CFAP92: variants seen among roughly 807,000 people sequenced by gnomAD.
CFAP92 encodes uncharacterized protein CFAP92.
In CFAP92, 86 loss-of-function variants were observed where a neutral mutation model predicts 106.3. The ratio of observed to expected loss-of-function variants is 0.81; its 90% CI spans 0.68 to 0.97. The LOEUF (loss-of-function observed/expected upper bound fraction) is 0.97, where lower values mean the gene tolerates loss of function less well. Ranked by LOEUF, CFAP92 falls within the 50% of genes least tolerant of loss-of-function variation. The pLI is 0.00. For missense variants in CFAP92, 1,204 were observed against 1,283.8 expected, an observed-to-expected ratio of 0.94 and a Z score of 0.95; for synonymous variants, 477 against 506.4, an observed-to-expected ratio of 0.94 and a Z score of 0.78.
At chr3:128,947,483 C>A (rs1488785843) in intron 9 of CFAP92, among the ~76,000 whole-genome samples, 2 of 152,202 alleles carry the variant, frequency 1.3e-5, no homozygotes, top group Non-Finnish European at 2.9e-5. Flanking sequence ...CCACTTCACC[C>A]ATTTTTACGA....
intron 4 of CFAP92, among the ~76,000 whole-genome samples, chr3:128,985,629 A>G (rs1943806724): frequency 6.6e-6 from 1 of 152,124 alleles, no homozygotes; most frequent in Non-Finnish European, 1.5e-5. Context: ...GTGAAAGCCC[A>G]CTGCAGGGCA....
chr3:128,922,392 T>C (rs1424390141), intron 12 of CFAP92, among the ~76,000 whole-genome samples: 1 of 152,172 alleles, frequency 6.6e-6, no homozygotes, highest in Non-Finnish European at 1.5e-5. Flanking sequence ...TCAGTGGTCT[T>C]CTTCCCCAGG....
At chr3:128,917,712 G>C (rs529319143) in intron 12 of CFAP92, among the ~76,000 whole-genome samples, 1 of 152,288 alleles carries the variant, frequency 6.6e-6, no homozygotes, top group South Asian at 2.1e-4. Context: ...TGAAATAGAA[G>C]ACAAGAGAAT....
intron 9 of CFAP92, among the ~76,000 whole-genome samples, chr3:128,957,986 T>C (rs568401229): frequency 6.6e-6 from 1 of 152,300 alleles, no homozygotes; most frequent in East Asian, 1.9e-4. Flanking sequence ...AGATGTCCCC[T>C]GGCATGTGGC....
intron 1 of CFAP92, chr3:129,001,734 C>A: frequency 2.0e-6 from 3 of 1,529,174 alleles, no homozygotes; most frequent in Middle Eastern, 1.7e-4. Flanking sequence ...CGCCCTGGCG[C>A]ACCACTACGG....
At position 128,945,840 on chromosome 3, in the gene CFAP92, C is replaced by A; in HGVS notation, c.1489G>T (p.Asp497Tyr). 2 of 1,508,924 alleles carry A rather than the reference C, an allele frequency of 1.3e-6. No homozygotes were observed. The highest frequency in any genetic ancestry group is 2.5e-5 in the South Asian group (2 of 78,800). The allele number at this position is 1,508,924 out of a possible 1,614,324, so 93.5% of individuals were successfully genotyped here. A position where few individuals can be genotyped will look rare whatever the true frequency, so the allele number is the denominator to read the frequency against. ...VIFLGALHPS[D>Y]LREYLEGPPM... ...GGGCCCTCCAGGTATTCCCTTAGGT[C>A]ACTGGGGTGCAGTGCCCCAAGGAAG... Residue 497 changes from aspartate to tyrosine, a missense_variant, in exon 10 of 16, where the codon GAC becomes TAC. Transcript: ENST00000645291.
chr3:128,923,974 A>G (rs1296955196), intron 12 of CFAP92, among the ~76,000 whole-genome samples: 1 of 152,250 alleles, frequency 6.6e-6, no homozygotes, highest in Non-Finnish European at 1.5e-5. Flanking sequence ...TGGAAGCTCT[A>G]TACTTGGCAG....
At chr3:128,917,844 G>C (rs1403405530) in intron 12 of CFAP92, among the ~76,000 whole-genome samples, 1 of 152,092 alleles carries the variant, frequency 6.6e-6, no homozygotes, top group Non-Finnish European at 1.5e-5. Context: ...TGAGTATAGA[G>C]GATGGAAATA....
chr3:129,001,607 G>A (rs953156652), intron 1 of CFAP92: 9 of 1,356,022 alleles, frequency 6.6e-6, no homozygotes, highest in Non-Finnish European at 8.5e-6. Flanking sequence ...GGGACCGGAG[G>A]AGCGAGGCGC....
In CFAP92 at chr3:129,001,497, G is replaced by C. The variant is rs916569327; in HGVS notation, n.117+1077C>G. 16 of 1,290,110 alleles carry C rather than the reference G, an allele frequency of 1.2e-5. No homozygotes were observed. The South Asian group carries it at 2.9e-4, about 23-fold the overall frequency. The allele number at this position is 1,290,110 out of a possible 1,614,324, so 79.9% of individuals were successfully genotyped here. A position where few individuals can be genotyped will look rare whatever the true frequency, so the allele number is the denominator to read the frequency against. On this transcript the variant is annotated intron_variant and non_coding_transcript_variant, in intron 1 of 4. Transcript: ENST00000510149. ...GAGGCCAGCGCAGCTGCTGGACACG[G>C]TCCCCGGCGCCGCTCCAACCAGACC...
At chr3:128,963,528 C>T (rs551044873) in intron 9 of CFAP92, among the ~76,000 whole-genome samples, 10 of 152,258 alleles carry the variant, frequency 6.6e-5, no homozygotes, top group Admixed American at 2.0e-4. Context: ...GTTCCTGGCC[C>T]GGACTTCAAT....
rs779916041 is a variant in CFAP92 at position 128,978,049 on chromosome 3, CAA to C, written c.802_803del (p.Leu268AlafsTer16). Reference protein sequence around the residue: ...QEKTEKHPKSLQGSHQAEPET... With the variant: ...QEKTEKHPKSXQGSHQAEPET... ...ACAAAGGCCTTCTCCGCTCACCTTG[CAA>C]AGACTTTGGGTGTTTTTCTGTTTTT... On this transcript the variant is annotated frameshift_variant, in exon 5 of 16. Transcript: ENST00000645291. LOFTEE classifies it high-confidence loss of function. The C allele has an allele frequency of 1.2e-6, 2 of 1,613,968 alleles. No homozygotes were observed. Among genetic ancestry groups the C allele is most frequent in the Non-Finnish European group, 1.7e-6 (2 of 1,179,858 alleles).
At chr3:128,962,155 G>C (rs548066522) in intron 9 of CFAP92, among the ~76,000 whole-genome samples, 1 of 152,086 alleles carries the variant, frequency 6.6e-6, no homozygotes. Flanking sequence ...ACTCCTTCTC[G>C]GCTTAGCGGC....
At chr3:128,986,121 T>G (rs1164353181) in intron 4 of CFAP92, among the ~76,000 whole-genome samples, 2 of 151,908 alleles carry the variant, frequency 1.3e-5, no homozygotes, top group African/African-American at 4.8e-5. Context: ...GGCTGGAAAA[T>G]CAGAGAAAAG....
intron 1 of CFAP92, 115 bp downstream of exon 1, chr3:128,993,865 C>T (rs1457246426): frequency 2.5e-6 from 2 of 804,192 alleles, no homozygotes; most frequent in Non-Finnish European, 3.0e-6. Context: ...GGAGGCGGAA[C>T]GCCGGGCAAA....
chr3:128,911,737 C>T (rs1936349232), intron 15 of CFAP92, among the ~76,000 whole-genome samples: 1 of 152,258 alleles, frequency 6.6e-6, no homozygotes, highest in Non-Finnish European at 1.5e-5. Flanking sequence ...CCACTGTGCC[C>T]AGCCCTGGCT....
intron 4 of CFAP92, among the ~76,000 whole-genome samples, chr3:128,981,830 G>A (rs528094712): frequency 1.9e-4 from 29 of 152,308 alleles, no homozygotes. Context: ...AGGCAACCAG[G>A]TGCATTATCA....
At chr3:128,943,919 C>CCCT (rs1553747259) in intron 10 of CFAP92, among the ~76,000 whole-genome samples, 55 of 86,940 alleles carry the variant, frequency 6.3e-4, no homozygotes, top group Middle Eastern at 5.4e-3. Flanking sequence ...TTATTTCCCC[C>CCCT]GTTTTTTTTT....
chr3:128,993,427 C>G lies in CFAP92; in HGVS notation c.-32-91G>C, dbSNP rs572768799. On this transcript the variant is annotated intron_variant, in intron 1 of 15. Transcript: ENST00000645291. ...GCCTCCTGCAGAAGCACCCACCCTT[C>G]TCTTCCCTGCTTCCCCCGCCTGCTC... 13 of 1,331,108 alleles carry G rather than the reference C, an allele frequency of 9.8e-6. No homozygotes were observed. The South Asian group carries it at 1.8e-4, about 19-fold the overall frequency. The allele number at this position is 1,331,108 out of a possible 1,614,324, so 82.5% of individuals were successfully genotyped here. A position where few individuals can be genotyped will look rare whatever the true frequency, so the allele number is the denominator to read the frequency against.
Sources: allele counts gnomAD v4.1 joint callset (sites outside exome capture counted in the v4.1 genomes callset), GRCh38; gene constraint gnomAD v4.1.1; transcripts MANE v1.5; gene names NCBI Gene and HGNC (gene_info 2026-07-23, HGNC 2026-07-21).